Variants in DGKB observed in about 807,000 individuals in gnomAD.
The protein encoded by DGKB is diacylglycerol kinase beta, also known as 90 kDa diacylglycerol kinase.
In DGKB, 67 loss-of-function variants were observed where a neutral mutation model predicts 114.3. The ratio of observed to expected loss-of-function variants is 0.59; its 90% CI spans 0.48 to 0.72. DGKB has a LOEUF of 0.72. DGKB is among the 30% of genes least tolerant of loss of function. The pLI, the probability that DGKB is intolerant of heterozygous loss-of-function variation, is 0.00. For missense variants in DGKB, 907 were observed against 975.2 expected, an observed-to-expected ratio of 0.93 and a Z score of 0.93; for synonymous variants, 398 against 323.1, an observed-to-expected ratio of 1.23 and a Z score of -2.49.
chr7:14,481,768 A>T (rs1055775290), intron 20 of DGKB, among the ~76,000 whole-genome samples: 1 of 151,868 alleles, frequency 6.6e-6, no homozygotes, highest in Non-Finnish European at 1.5e-5. Flanking sequence ...CTGTGTGCAA[A>T]CTTTTCTTTT....
intron 1 of DGKB, among the ~76,000 whole-genome samples, chr7:14,912,073 T>C (rs1456745716): frequency 2.0e-5 from 3 of 152,188 alleles, no homozygotes; most frequent in Admixed American, 6.5e-5. Context: ...TGATTTTTCT[T>C]TGAATACAAT....
chr7:14,900,021 G>A (rs1479691763), intron 1 of DGKB, among the ~76,000 whole-genome samples: 1 of 152,102 alleles, frequency 6.6e-6, no homozygotes, highest in Non-Finnish European at 1.5e-5. Flanking sequence ...TCCCTCCTGT[G>A]AGGGGCATAT....
chr7:14,193,039 A>G (rs1784526064), intron 23 of DGKB, among the ~76,000 whole-genome samples: 1 of 152,012 alleles, frequency 6.6e-6, no homozygotes, highest in South Asian at 2.1e-4. Context: ...AGTGATGGGG[A>G]GCAGCTATAA....
intron 13 of DGKB, among the ~76,000 whole-genome samples, chr7:14,663,124 A>G (rs1435572207): frequency 2.4e-4 from 36 of 152,034 alleles, no homozygotes; most frequent in Admixed American, 2.4e-3. Flanking sequence ...GGATTAAAAT[A>G]CAAATGGTAT....
At chr7:14,786,896 G>A (rs966792788) in intron 2 of DGKB, among the ~76,000 whole-genome samples, 24 of 146,276 alleles carry the variant, frequency 1.6e-4, no homozygotes, top group African/African-American at 6.7e-4. Context: ...TCAGGCAGAT[G>A]ACGGGGTGAC....
At chr7:14,675,454 G>T (rs533302469) in intron 12 of DGKB, among the ~76,000 whole-genome samples, 1 of 152,048 alleles carries the variant, frequency 6.6e-6, no homozygotes, top group South Asian at 2.1e-4. Context: ...TTCCCAGAAG[G>T]AAGGAAAGAA....
chr7:14,681,826 A>G (rs1472904130), intron 12 of DGKB, among the ~76,000 whole-genome samples: 1 of 152,080 alleles, frequency 6.6e-6, no homozygotes, highest in Non-Finnish European at 1.5e-5. Context: ...GAAATTCCCA[A>G]GTGTCCCAGA....
chr7:14,147,647 G>C lies in DGKB; in HGVS notation c.*1484C>G, dbSNP rs921565082. ...ATCATTAGCACTTTAATGCAGAGTG[G>C]AGAGAAACTAATAAATCATGCAGTT... On this transcript the variant is annotated 3_prime_UTR_variant, in exon 26 of 26. Coordinates refer to ENST00000402815, the MANE Select transcript of DGKB (RefSeq NM_001350709.2). 6.6e-6 allele frequency: 1 copy of C among 152,488 alleles called. No homozygotes were observed. Among genetic ancestry groups the C allele is most frequent in the Non-Finnish European group, 1.5e-5 (1 of 68,000 alleles). 9.4% of individuals were successfully genotyped at this position (152,488 alleles called of 1,614,324 possible). A position where few individuals can be genotyped will look rare whatever the true frequency, so the allele number is the denominator to read the frequency against.
chr7:14,399,287 G>A lies in DGKB; in HGVS notation c.1836-53896C>T, dbSNP rs566951841. 7.8e-4 allele frequency among the ~76,000 whole-genome samples: 118 copies of A among 151,644 alleles called. No individual in the cohort carries two copies. In the East Asian group the frequency reaches 0.022, roughly 28 times the overall value. ...TCATTATTATAAATATATAATAATG[G>A]TTAAATAGCCACAACTTTTTGTATA... On this transcript the variant is annotated intron_variant, in intron 21 of 25. Transcript: ENST00000402815.
intron 1 of DGKB, among the ~76,000 whole-genome samples, chr7:14,859,762 C>T (rs1332915693): frequency 6.6e-6 from 1 of 151,986 alleles, no homozygotes; most frequent in Non-Finnish European, 1.5e-5. Context: ...TCCTATCTCC[C>T]CGTACCTCCT....
intron 21 of DGKB, among the ~76,000 whole-genome samples, chr7:14,432,808 C>T (rs1285231989): frequency 6.6e-6 from 1 of 152,132 alleles, no homozygotes; most frequent in African/African-American, 2.4e-5. Flanking sequence ...GCTTCTCTCT[C>T]TTTCCCTTGT....
At chr7:14,648,492 T>G (rs1327636031) in intron 13 of DGKB, among the ~76,000 whole-genome samples, 1 of 129,830 alleles carries the variant, frequency 7.7e-6, no homozygotes, top group East Asian at 2.5e-4. Flanking sequence ...AAAACCCATC[T>G]GTACATCACC....
At chr7:14,385,746 T>C (rs540875197) in intron 21 of DGKB, among the ~76,000 whole-genome samples, 1 of 152,208 alleles carries the variant, frequency 6.6e-6, no homozygotes, top group Non-Finnish European at 1.5e-5. Flanking sequence ...ACTGGTGATA[T>C]ATGAATGTAA....
intron 21 of DGKB, among the ~76,000 whole-genome samples, chr7:14,438,902 C>A (rs196750): frequency 0.82 from 125,086 of 151,712 alleles, 52,278 homozygotes; most frequent in Non-Finnish European, 0.91. Context: ...TGAATATACT[C>A]CCTAACCTTT....
chr7:14,517,761 A>C (rs1430145640), intron 20 of DGKB, among the ~76,000 whole-genome samples: 2 of 152,180 alleles, frequency 1.3e-5, no homozygotes, highest in Admixed American at 6.6e-5. Context: ...ACAATGAGAT[A>C]CCATCCCATA....
intron 25 of DGKB, among the ~76,000 whole-genome samples, chr7:14,156,515 C>T (rs1052806243): frequency 2.6e-5 from 4 of 152,004 alleles, no homozygotes; most frequent in African/African-American, 9.7e-5. Context: ...ATTTTAATTC[C>T]ATATAATTTT....
At chr7:14,280,815 G>C (rs1219146376) in intron 23 of DGKB, among the ~76,000 whole-genome samples, 2 of 150,692 alleles carry the variant, frequency 1.3e-5, no homozygotes, top group Non-Finnish European at 3.0e-5. Context: ...AATGCTGAGA[G>C]ATTTTGTCAC....
intron 1 of DGKB, among the ~76,000 whole-genome samples, chr7:14,899,217 A>G (rs1782590666): frequency 6.6e-6 from 1 of 152,112 alleles, no homozygotes; most frequent in East Asian, 1.9e-4. Flanking sequence ...GCAAATTTTC[A>G]GAAAGTGATT....
intron 23 of DGKB, among the ~76,000 whole-genome samples, chr7:14,320,349 G>C (rs1807518888): frequency 6.6e-6 from 1 of 152,074 alleles, no homozygotes; most frequent in African/African-American, 2.4e-5. Context: ...ACTTGCTATG[G>C]TCAGATGATC....
Sources: allele counts gnomAD v4.1 joint callset (sites outside exome capture counted in the v4.1 genomes callset), GRCh38; gene constraint gnomAD v4.1.1; transcripts MANE v1.5; gene names NCBI Gene and HGNC (gene_info 2026-07-23, HGNC 2026-07-21).